SNX2: variants seen among roughly 807,000 people sequenced by gnomAD.
SNX2 encodes sorting nexin 2.
Under a neutral mutation model 69.9 loss-of-function variants are expected in SNX2, and 25 were observed. The observed-to-expected ratio is 0.36, with a 90% CI of 0.26 to 0.50. SNX2 has a LOEUF of 0.50. Ranked by LOEUF, SNX2 falls within the 20% of genes least tolerant of loss-of-function variation. The probability of loss-of-function intolerance (pLI) is 0.97; values close to 1 mark genes in which losing one functional copy is unlikely to be tolerated. For synonymous variants in SNX2, 229 were observed against 200.4 expected, an observed-to-expected ratio of 1.14 and a Z score of -1.20; for missense variants, 551 against 613.3, an observed-to-expected ratio of 0.90 and a Z score of 1.07.
At chr5:122,808,578 CAAAA>C (rs1323582965) in intron 7 of SNX2, 4 of 362,174 alleles carry the variant, frequency 1.1e-5, no homozygotes, top group Non-Finnish European at 2.0e-5. Context: ...AATAGTCTAA[CAAAA>C]TAACACTTGT....
intron 11 of SNX2, among the ~76,000 whole-genome samples, chr5:122,821,657 G>C (rs879884414): frequency 3.3e-5 from 5 of 151,880 alleles, no homozygotes; most frequent in Non-Finnish European, 7.4e-5. Flanking sequence ...AGGTTTCACC[G>C]TGTTAGCCAG....
rs1304128492 is a variant in SNX2, at chr5:122,803,589, C to T, written c.619C>T (p.Pro207Ser). ...TTTACATGTTGGTTATATTGTGCCA[C>T]CAGCTCCAGAAAAGAGTATAGTAGG... is the stretch of plus-strand genomic sequence containing the variant. ...KYLHVGYIVP[P>S]APEKSIVGMT... Residue 207 changes from proline (P) to serine (S), a missense_variant, in exon 6 of 15, where the codon CCA becomes TCA. Pro to Ser is a moderately conservative substitution (Grantham distance 74). This residue lies in a region of SNX2 where 360 missense variants were observed against 450.4 expected (regional missense o/e 0.80). Coordinates refer to ENST00000379516, the MANE Select transcript of SNX2 (RefSeq NM_003100.4). The T allele has an allele frequency of 6.2e-7, 1 of 1,609,188 alleles. No individual in the cohort carries two copies. The highest frequency in any genetic ancestry group is 8.5e-7 in the Non-Finnish European group (1 of 1,178,516).
rs758604337 is a variant in SNX2, at chr5:122,808,265, A to G, written c.644-12A>G. ...ATAAAGTCATCATGAATCTCATTCA[A>G]CTTCTTCAAAGGGATGACCAAGGTC... On this transcript the variant is annotated splice_polypyrimidine_tract_variant and intron_variant, in intron 6 of 14. Coordinates refer to ENST00000379516, the MANE Select transcript of SNX2 (RefSeq NM_003100.4). 1.4e-5 allele frequency: 22 copies of G among 1,568,590 alleles called. No individual in the cohort carries two copies. Among genetic ancestry groups the G allele is most frequent in the Non-Finnish European group, 1.7e-5 (20 of 1,149,374 alleles).
chr5:122,779,869 C>T lies in SNX2; in HGVS notation c.108+4658C>T, dbSNP rs372927122. ...GTATTAAGCCCAGCATGCATTAGGT[C>T]TTTTCCCTAATGCTCTCCTGTCCTC... On this transcript the variant is annotated intron_variant, in intron 1 of 14. Coordinates refer to ENST00000379516, the MANE Select transcript of SNX2 (RefSeq NM_003100.4). 5.3e-5 allele frequency among the ~76,000 whole-genome samples: 8 copies of T among 152,238 alleles called. No homozygotes were observed. The East Asian group carries it at 9.7e-4, about 18-fold the overall frequency.
At chr5:122,787,428 G>GAAA (rs1027881370) in intron 1 of SNX2, among the ~76,000 whole-genome samples, 1 of 152,068 alleles carries the variant, frequency 6.6e-6, no homozygotes, top group African/African-American at 2.4e-5. Context: ...GCTGAGGTAG[G>GAAA]AGAATTGCTT....
At chr5:122,803,090 C>T (rs1023561167) in intron 5 of SNX2, among the ~76,000 whole-genome samples, 1 of 152,118 alleles carries the variant, frequency 6.6e-6, no homozygotes. Context: ...TCTTATAGAA[C>T]TTATGTTCCA....
chr5:122,816,742 A>C (rs931101245), intron 8 of SNX2, among the ~76,000 whole-genome samples, 173 bp from the exon 9 acceptor site: 1 of 146,094 alleles, frequency 6.8e-6, no homozygotes, highest in Admixed American at 7.2e-5. Context: ...CAAGTAGTAT[A>C]TTTGAGAAAT....
chr5:122,811,827 A>AAATAAATAAATAAAT (rs1270957029), intron 7 of SNX2, among the ~76,000 whole-genome samples: 1 of 141,404 alleles, frequency 7.1e-6, no homozygotes, highest in East Asian at 2.3e-4. Flanking sequence ...CTCCGTCTCT[A>AAATAAATAAATAAAT]AATAAATAAA....
chr5:122,815,374 G>T (rs1038610941), intron 7 of SNX2, among the ~76,000 whole-genome samples: 2 of 152,174 alleles, frequency 1.3e-5, no homozygotes, highest in Non-Finnish European at 2.9e-5. Flanking sequence ...TTTAGTTCTT[G>T]TCAAGTGAGG....
chr5:122,783,619 CTGTTT>C (rs1753022751), intron 1 of SNX2, among the ~76,000 whole-genome samples: 1 of 152,064 alleles, frequency 6.6e-6, no homozygotes, highest in Admixed American at 6.6e-5. Context: ...TGACCTATTT[CTGTTT>C]TGTTTCATTG....
rs377578117 is a variant in SNX2, at chr5:122,775,119, G to A, written c.16G>A (p.Glu6Lys). The change falls in exon 1 of 15, where the codon GAA becomes AAA. Residue 6 changes from glutamate (E) to lysine (K), a missense_variant. Around this residue, in one of 2 missense-constraint regions of SNX2, gnomAD observed 191 missense variants for 162.9 expected, o/e 1.17. Coordinates refer to ENST00000379516, the MANE Select transcript of SNX2 (RefSeq NM_003100.4). ...GTGAGCGAAGATGGCGGCCGAGAGGGAACCTCCTCCGCTGGGGGACGGGAA... is the reference window on the plus strand; with the variant it reads ...GTGAGCGAAGATGGCGGCCGAGAGGAAACCTCCTCCGCTGGGGGACGGGAA... Reference protein sequence around the residue: MAAEREPPPLGDGKPT... With the variant: MAAERKPPPLGDGKPT... The A allele has an allele frequency of 2.1e-4, 339 of 1,591,298 alleles. No individual in the cohort carries two copies. The highest frequency in any genetic ancestry group is 2.7e-4 in the Non-Finnish European group (317 of 1,170,820).
At chr5:122,806,142 G>GCACGCACACACACACACACACA (rs1554063175) in intron 6 of SNX2, among the ~76,000 whole-genome samples, 22 of 130,582 alleles carry the variant, frequency 1.7e-4, no homozygotes, top group African/African-American at 5.2e-4. Context: ...ACACGCGCGC[G>GCACGCACACACACACACACACA]CACACACACA....
intron 7 of SNX2, among the ~76,000 whole-genome samples, chr5:122,809,600 T>G (rs1753725173): frequency 6.6e-6 from 1 of 152,124 alleles, no homozygotes; most frequent in Non-Finnish European, 1.5e-5. Context: ...ATTTCACTGG[T>G]TTTTTTGTTT....
Position 122,775,109 on chromosome 5 carries a change from G to T in SNX2, c.6G>T (p.Ala2=), listed in dbSNP as rs2149998031. The T allele has an allele frequency of 6.3e-7, 1 of 1,587,000 alleles. No homozygotes were observed. Among genetic ancestry groups the T allele is most frequent in the Non-Finnish European group, 8.6e-7 (1 of 1,168,404 alleles). M[A]AEREPPPLGD... is the part of the protein sequence containing the mutation. ...AGTCGTTCGGGTGAGCGAAGATGGC[G>T]GCCGAGAGGGAACCTCCTCCGCTGG... is the stretch of plus-strand genomic sequence containing the variant. Residue 2 remains alanine, a synonymous_variant, in exon 1 of 15, where the codon GCG becomes GCT. Coordinates refer to ENST00000379516, the MANE Select transcript of SNX2 (RefSeq NM_003100.4).
chr5:122,776,561 TA>T (rs1752861323), intron 1 of SNX2, among the ~76,000 whole-genome samples: 1 of 152,200 alleles, frequency 6.6e-6, no homozygotes, highest in African/African-American at 2.4e-5. Context: ...CTAAAATTAA[TA>T]AAAATTATCT....
intron 3 of SNX2, 27 bp from the exon 4 acceptor site, chr5:122,801,842 T>A: frequency 7.3e-7 from 1 of 1,365,834 alleles, no homozygotes; most frequent in Non-Finnish European, 1.0e-6. Flanking sequence ...TAATTTTTAA[T>A]GCCAAAAAAT....
chr5:122,806,142 G>GCGCGCGCACACACACACACACA, intron 6 of SNX2, among the ~76,000 whole-genome samples: 2 of 130,584 alleles, frequency 1.5e-5, no homozygotes, highest in Admixed American at 7.6e-5. Flanking sequence ...ACACGCGCGC[G>GCGCGCGCACACACACACACACA]CACACACACA....
intron 14 of SNX2, among the ~76,000 whole-genome samples, chr5:122,828,674 T>A (rs868275548): frequency 2.6e-5 from 4 of 152,144 alleles, no homozygotes; most frequent in Non-Finnish European, 5.9e-5. Context: ...CTGTGTAAAA[T>A]TTTGCATAAA....
At chr5:122,776,714 CG>C (rs2149998618) in intron 1 of SNX2, among the ~76,000 whole-genome samples, 1 of 152,146 alleles carries the variant, frequency 6.6e-6, no homozygotes, top group East Asian at 1.9e-4. Flanking sequence ...TTTCTACCAG[CG>C]AGAATCAGAA....
Sources: gnomAD v4.1 joint callset for allele counts (sites outside exome capture counted in the v4.1 genomes callset) on GRCh38, gnomAD v4.1.1 for gene constraint, gnomAD v4.1.1 regional missense constraint, MANE v1.5 for transcripts, NCBI Gene and HGNC (gene_info 2026-07-23, HGNC 2026-07-21) for gene names.